Variants in LRP2 observed in about 807,000 individuals in gnomAD.
The protein encoded by LRP2 is LDL receptor related protein 2, also known as low-density lipoprotein receptor-related protein 2.
LRP2 carries 172 observed loss-of-function variants against 531.0 expected under a neutral mutation model. The observed-to-expected ratio is 0.32, with a 90% CI of 0.29 to 0.37. LRP2 has a LOEUF of 0.37. LRP2 is among the 10% of genes least tolerant of loss of function. LRP2 has a pLI of 1.00. For synonymous variants in LRP2, 1,992 were observed against 2,027.6 expected (o/e 0.98, Z 0.47); for missense variants, 5,167 against 5,868.3 (o/e 0.88, Z 3.90).
intron 48 of LRP2, 84 bp from the exon 49 acceptor site, chr2:169,188,349 T>C: frequency 1.5e-6 from 2 of 1,320,860 alleles, no homozygotes; most frequent in Middle Eastern, 5.0e-4. Flanking sequence ...GCTTCCTTCT[T>C]TATCTACCTA....
chr2:169,286,224 G>A (rs1436679078), intron 9 of LRP2, among the ~76,000 whole-genome samples: 1 of 152,170 alleles, frequency 6.6e-6, no homozygotes, highest in African/African-American at 2.4e-5. Context: ...CACAGAAAAG[G>A]TCTCTGCAGG....
intron 26 of LRP2, among the ~76,000 whole-genome samples, chr2:169,238,913 G>A (rs1365989690): frequency 6.6e-6 from 1 of 152,110 alleles, no homozygotes; most frequent in Non-Finnish European, 1.5e-5. Flanking sequence ...ATTCTAAAAA[G>A]GAAGCTGCTT....
intron 1 of LRP2, among the ~76,000 whole-genome samples, chr2:169,327,307 G>A (rs1685108034): frequency 8.3e-6 from 1 of 120,738 alleles, no homozygotes; most frequent in African/African-American, 3.0e-5. Context: ...CGTCTGGGAG[G>A]GAGGTGGGGT....
chr2:169,163,967 C>T (rs1004413674), intron 62 of LRP2, among the ~76,000 whole-genome samples: 1 of 152,332 alleles, frequency 6.6e-6, no homozygotes, highest in Non-Finnish European at 1.5e-5. Flanking sequence ...AAGAAGGGAC[C>T]TTTACAATGT....
chr2:169,177,978 T>C lies in LRP2; in HGVS notation c.10218A>G (p.Ala3406=), dbSNP rs1162441714. 1.9e-6 allele frequency: 3 copies of C among 1,614,072 alleles called. No homozygotes were observed. The highest frequency in any genetic ancestry group is 2.7e-5 in the African/African-American group (2 of 74,956). ...GHHRHTVYDG[A]LPHPFAITIF... Reference sequence around the variant, plus strand: ...TGGTAATAGCGAAAGGGTGAGGCAGTGCCCCATCATACACCGTGTGTCGAT... The same window carrying C: ...TGGTAATAGCGAAAGGGTGAGGCAGCGCCCCATCATACACCGTGTGTCGAT... The change falls in exon 53 of 79, where the codon GCA becomes GCG. Residue 3406 remains alanine (A), a synonymous_variant. Coordinates refer to ENST00000649046, the MANE Select transcript of LRP2 (RefSeq NM_004525.3).
Position 169,294,686 on chromosome 2 carries a change from G to A in LRP2, c.452C>T (p.Thr151Ile). The A allele has an allele frequency of 9.4e-7, 1 of 1,058,224 alleles. No individual in the cohort carries two copies. Among genetic ancestry groups the A allele is most frequent in the Non-Finnish European group, 1.4e-6 (1 of 727,726 alleles). 65.6% of individuals were successfully genotyped at this position (1,058,224 alleles called of 1,614,324 possible). The part of the protein sequence containing the change: ...DCQYPTCEQL[T>I]CDNGACYNTS... The stretch of plus-strand genomic sequence containing the variant: ...GTTATAGCAGGCCCCATTGTCACAA[G>A]TAAGCTGCTCACATGTTGGGTACTC... Residue 151 changes from threonine to isoleucine, a missense_variant, in exon 5 of 79, where the codon ACT becomes ATT. Transcript: ENST00000649046.
intron 77 of LRP2, among the ~76,000 whole-genome samples, chr2:169,131,782 A>G (rs1285672938): frequency 6.6e-6 from 1 of 152,228 alleles, no homozygotes; most frequent in Admixed American, 6.5e-5. Context: ...GCCCCCAGTG[A>G]GAAATATTAT....
rs1195692126 is a variant in LRP2 at position 169,153,066 on chromosome 2, T to C, written c.12296-102A>G. On this transcript the variant is annotated intron_variant, in intron 66 of 78. Transcript: ENST00000649046. The stretch of plus-strand genomic sequence containing the variant: ...AGTACTGTTCGTTTATTGACATCTC[T>C]ACCTCCCTCCTCACTGTTGTTATAA... 3.1e-6 allele frequency: 3 copies of C among 971,468 alleles called. No homozygotes were observed. In the African/African-American group the frequency reaches 4.8e-5, roughly 15 times the overall value. The allele number at this position is 971,468 out of a possible 1,614,324, so 60.2% of individuals were successfully genotyped here.
At chr2:169,349,520 T>A (rs2105573060) in intron 1 of LRP2, among the ~76,000 whole-genome samples, 1 of 152,252 alleles carries the variant, frequency 6.6e-6, no homozygotes, top group Non-Finnish European at 1.5e-5. Context: ...CTTTGACTCT[T>A]CATGAGATGG....
At chr2:169,226,026 T>A (rs938493476) in intron 32 of LRP2, among the ~76,000 whole-genome samples, 1 of 152,212 alleles carries the variant, frequency 6.6e-6, no homozygotes, top group Non-Finnish European at 1.5e-5. Flanking sequence ...TGAGTTTTGA[T>A]CATTTTTATA....
intron 47 of LRP2, among the ~76,000 whole-genome samples, chr2:169,192,805 T>C (rs1276670670): frequency 6.6e-6 from 1 of 152,108 alleles, no homozygotes; most frequent in Non-Finnish European, 1.5e-5. Flanking sequence ...AATCCATGTA[T>C]GTGTAGCTGA....
In LRP2 at chr2:169,197,755, T is replaced by C. The variant is rs553294776; in HGVS notation, c.8579-725A>G. Among the ~76,000 whole-genome samples the C allele has an allele frequency of 1.5e-4, 23 of 152,334 alleles. No homozygotes were observed. In the South Asian group the frequency reaches 4.6e-3, roughly 30 times the overall value. On this transcript the variant is annotated intron_variant, in intron 45 of 78. Coordinates refer to ENST00000649046, the MANE Select transcript of LRP2 (RefSeq NM_004525.3). ...AGGTCCCTGAAAAGTCAGCAATAAT[T>C]CCTATCTGTCTAGCCCTATCTGGTG... is the stretch of plus-strand genomic sequence containing the variant.
intron 44 of LRP2, among the ~76,000 whole-genome samples, chr2:169,200,032 T>C (rs569750925): frequency 1.0e-3 from 154 of 152,182 alleles, no homozygotes; most frequent in East Asian, 3.5e-3. Flanking sequence ...GGGCGGATCA[T>C]GAGGTCAGGA....
chr2:169,220,032 T>C (rs1397809760), intron 34 of LRP2, among the ~76,000 whole-genome samples: 3 of 152,158 alleles, frequency 2.0e-5, no homozygotes, highest in Non-Finnish European at 4.4e-5. Context: ...CATGGATCCC[T>C]TGGCCTCAAG....
chr2:169,143,093 C>A (rs1299516862), intron 70 of LRP2, among the ~76,000 whole-genome samples: 1 of 152,144 alleles, frequency 6.6e-6, no homozygotes, highest in African/African-American at 2.4e-5. Context: ...TGGTTCACTG[C>A]CTAACCTCAA....
At chr2:169,285,293 C>CCCT (rs1165832888) in intron 9 of LRP2, among the ~76,000 whole-genome samples, 4 of 151,774 alleles carry the variant, frequency 2.6e-5, no homozygotes, top group Admixed American at 6.6e-5. Context: ...GACCCTATCA[C>CCCT]AAAAAAACAG....
chr2:169,318,166 A>C (rs1355365029), intron 3 of LRP2, among the ~76,000 whole-genome samples: 1 of 152,218 alleles, frequency 6.6e-6, no homozygotes, highest in African/African-American at 2.4e-5. Flanking sequence ...CAAAGAAATT[A>C]GAATTTAAAG....
chr2:169,197,252 C>T (rs1688036189), intron 45 of LRP2, among the ~76,000 whole-genome samples: 2 of 148,268 alleles, frequency 1.3e-5, no homozygotes, highest in Non-Finnish European at 3.0e-5. Context: ...TTTCTAGATT[C>T]CAGAAATCAA....
chr2:169,152,980 C>T lies in LRP2; in HGVS notation c.12296-16G>A, dbSNP rs1558981875. ...TACACAACACCTACAGAGGAAGACA[C>T]ACAGGTCAGTTTCATGTCAAGAGCA... On this transcript the variant is annotated splice_polypyrimidine_tract_variant and intron_variant, in intron 66 of 78. Transcript: ENST00000649046. 2 of 1,613,048 alleles carry T rather than the reference C, an allele frequency of 1.2e-6. No individual in the cohort carries two copies. The highest frequency in any genetic ancestry group is 8.5e-7 in the Non-Finnish European group (1 of 1,179,688).
Sources: gnomAD v4.1 joint callset for allele counts (sites outside exome capture counted in the v4.1 genomes callset) on GRCh38, gnomAD v4.1.1 for gene constraint, MANE v1.5 for transcripts, NCBI Gene and HGNC (gene_info 2026-07-23, HGNC 2026-07-21) for gene names.